LTBP1: variants seen among roughly 807,000 people sequenced by gnomAD.
The protein encoded by LTBP1 is latent transforming growth factor beta binding protein 1.
Under a neutral mutation model 207.6 loss-of-function variants are expected in LTBP1, and 129 were observed. That is an observed-to-expected ratio of 0.62 (90% CI 0.54 to 0.72). LTBP1 has a LOEUF of 0.72. Ranked by LOEUF, LTBP1 falls within the 30% of genes least tolerant of loss-of-function variation. The pLI, the probability that LTBP1 is intolerant of heterozygous loss-of-function variation, is 0.00. For missense variants in LTBP1, 2,281 were observed against 2,217.2 expected, an observed-to-expected ratio of 1.03 and a Z score of -0.58; for synonymous variants, 963 against 833.7, an observed-to-expected ratio of 1.16 and a Z score of -2.67.
At chr2:33,311,579 T>C (rs999401465) in intron 23 of LTBP1, among the ~76,000 whole-genome samples, 1 of 151,496 alleles carries the variant, frequency 6.6e-6, no homozygotes, top group Non-Finnish European at 1.5e-5. Flanking sequence ...CTTGTTTTTA[T>C]TATAGGCTTT....
At chr2:33,217,788 G>A (rs759623594) in intron 8 of LTBP1, 134 bp downstream of exon 8, 8 of 608,188 alleles carry the variant, frequency 1.3e-5, no homozygotes, top group Admixed American at 9.2e-5. Context: ...GTACTATGAT[G>A]TGCATTTCCA....
chr2:33,050,164 T>G (rs1029285220), intron 3 of LTBP1, among the ~76,000 whole-genome samples: 2 of 151,206 alleles, frequency 1.3e-5, no homozygotes, highest in African/African-American at 4.9e-5. Flanking sequence ...CTTTTTTTTT[T>G]TTTTCCCTAG....
At chr2:33,306,086 A>G (rs763245960) in intron 22 of LTBP1, among the ~76,000 whole-genome samples, 1 of 152,176 alleles carries the variant, frequency 6.6e-6, no homozygotes, top group African/African-American at 2.4e-5. Flanking sequence ...GTAATGTTCA[A>G]CCTTCTTATT....
chr2:33,303,351 T>TC (rs1049867529), intron 22 of LTBP1, among the ~76,000 whole-genome samples: 12 of 128,492 alleles, frequency 9.3e-5, no homozygotes, highest in Non-Finnish European at 1.6e-4. Flanking sequence ...AGTTAGATTT[T>TC]CTTTTTTTTT....
intron 5 of LTBP1, among the ~76,000 whole-genome samples, chr2:33,155,138 T>C (rs185259968): frequency 9.9e-4 from 151 of 152,332 alleles, no homozygotes; most frequent in African/African-American, 3.4e-3. Context: ...CACCATACCC[T>C]TTCTAATACA....
intron 3 of LTBP1, among the ~76,000 whole-genome samples, chr2:33,038,276 G>T (rs186389321): frequency 1.4e-4 from 21 of 152,304 alleles, no homozygotes; most frequent in African/African-American, 5.1e-4. Flanking sequence ...AGACAGATGC[G>T]ACTCCTCCTG....
chr2:33,131,023 G>A (rs930508269), intron 4 of LTBP1, among the ~76,000 whole-genome samples: 1 of 152,094 alleles, frequency 6.6e-6, no homozygotes, highest in Non-Finnish European at 1.5e-5. Context: ...ACTCGGGATG[G>A]TCTTCTGCCT....
At chr2:33,081,782 G>A (rs983361127) in intron 3 of LTBP1, among the ~76,000 whole-genome samples, 1 of 151,998 alleles carries the variant, frequency 6.6e-6, no homozygotes, top group African/African-American at 2.4e-5. Flanking sequence ...TGAATCATGG[G>A]GGCGGTTACC....
intron 5 of LTBP1, among the ~76,000 whole-genome samples, chr2:33,157,098 C>T (rs2084037676): frequency 6.6e-6 from 1 of 152,132 alleles, no homozygotes; most frequent in Non-Finnish European, 1.5e-5. Context: ...TAATTTTCCC[C>T]CTTTCTAGAG....
intron 2 of LTBP1, among the ~76,000 whole-genome samples, chr2:32,981,956 C>T (rs111952878): frequency 0.04 from 6,016 of 152,200 alleles, 194 homozygotes; most frequent in Non-Finnish European, 0.067. Flanking sequence ...TGGACTAATA[C>T]AGTAAATCGG....
intron 5 of LTBP1, among the ~76,000 whole-genome samples, chr2:33,138,891 C>T (rs2082375411): frequency 8.8e-6 from 1 of 113,754 alleles, no homozygotes; most frequent in Non-Finnish European, 1.7e-5. Context: ...CGGAGTCTCG[C>T]TCTGTCGCCC....
chr2:32,986,580 A>G (rs867793661), intron 2 of LTBP1, among the ~76,000 whole-genome samples: 3 of 152,144 alleles, frequency 2.0e-5, no homozygotes, highest in Non-Finnish European at 4.4e-5. Context: ...GAAAACAAAA[A>G]CAGAAACAAA....
At chr2:33,290,932 A>G (rs995513412) in intron 19 of LTBP1, among the ~76,000 whole-genome samples, 2 of 152,304 alleles carry the variant, frequency 1.3e-5, no homozygotes, top group East Asian at 3.9e-4. Flanking sequence ...ATTTTACACC[A>G]TTTGCATCCA....
At chr2:33,365,797 A>AATGGGG (rs2094979593) in intron 31 of LTBP1, among the ~76,000 whole-genome samples, 1 of 152,194 alleles carries the variant, frequency 6.6e-6, no homozygotes, top group Non-Finnish European at 1.5e-5. Flanking sequence ...TAGGCTTAGA[A>AATGGGG]TTTATATTTC....
At chr2:33,157,274 A>G (rs958296438) in intron 5 of LTBP1, among the ~76,000 whole-genome samples, 6 of 152,214 alleles carry the variant, frequency 3.9e-5, no homozygotes, top group African/African-American at 1.4e-4. Context: ...ATGAGGATTA[A>G]GAGCTTTGAA....
chr2:33,181,432 C>T (rs1472924100), intron 5 of LTBP1, among the ~76,000 whole-genome samples: 1 of 152,182 alleles, frequency 6.6e-6, no homozygotes, highest in African/African-American at 2.4e-5. Context: ...ACTGAAACGC[C>T]TGACTTATTT....
At chr2:32,969,220 C>A (rs1185704239) in intron 2 of LTBP1, among the ~76,000 whole-genome samples, 1 of 136,362 alleles carries the variant, frequency 7.3e-6, no homozygotes. Flanking sequence ...GCCATGGCAC[C>A]TGGCCAATTT....
chr2:32,996,641 A>G (rs146720443), intron 2 of LTBP1, among the ~76,000 whole-genome samples: 25 of 152,276 alleles, frequency 1.6e-4, no homozygotes, highest in African/African-American at 5.8e-4. Flanking sequence ...GAGCTTCACA[A>G]TAATATCTGC....
chr2:33,357,948 A>C (rs927994105), intron 26 of LTBP1, among the ~76,000 whole-genome samples: 8 of 152,194 alleles, frequency 5.3e-5, no homozygotes, highest in African/African-American at 1.4e-4. Flanking sequence ...AACTAAACTC[A>C]TGTAGGAGTT....
Sources: gnomAD v4.1 joint callset for allele counts (sites outside exome capture counted in the v4.1 genomes callset) on GRCh38, gnomAD v4.1.1 for gene constraint, MANE v1.5 for transcripts, NCBI Gene and HGNC (gene_info 2026-07-23, HGNC 2026-07-21) for gene names.